Variants in PPFIA3 observed in about 807,000 individuals in gnomAD.
The protein encoded by PPFIA3 is PPFI scaffold protein A3.
Under a neutral mutation model 145.8 loss-of-function variants are expected in PPFIA3, and 26 were observed. The observed-to-expected ratio is 0.18, with a 90% CI of 0.13 to 0.25. The LOEUF is 0.25. Among genes scored for constraint, PPFIA3 ranks in the 10% least tolerant of loss-of-function variants. The pLI is 1.00. For missense variants in PPFIA3, 1,008 were observed against 1,587.8 expected (o/e 0.63, Z 6.21); for synonymous variants, 645 against 661.4 (o/e 0.98, Z 0.38).
At chr19:49,129,949 G>T in intron 5 of PPFIA3, 44 bp from the exon 6 acceptor site, 1 of 1,598,108 alleles carries the variant, frequency 6.3e-7, no homozygotes, top group East Asian at 2.2e-5. Context: ...AGAGCTGGGG[G>T]TTCAGGGAGC....
At chr19:49,121,504 C>A (rs1021882398) in intron 1 of PPFIA3, among the ~76,000 whole-genome samples, 3 of 151,990 alleles carry the variant, frequency 2.0e-5, no homozygotes, top group African/African-American at 4.8e-5. Flanking sequence ...TGGCCAGGCG[C>A]GGTGGCTCAT....
At chr19:49,123,017 G>A (rs1410694227) in intron 1 of PPFIA3, among the ~76,000 whole-genome samples, 5 of 150,840 alleles carry the variant, frequency 3.3e-5, no homozygotes, top group East Asian at 2.0e-4. Context: ...CACCACGCCC[G>A]GCCTGTTGTT....
chr19:49,123,171 G>A (rs746510444), intron 1 of PPFIA3, among the ~76,000 whole-genome samples: 14 of 152,042 alleles, frequency 9.2e-5, no homozygotes, highest in Admixed American at 3.9e-4. Flanking sequence ...TGGGACTACA[G>A]GCACATGCCA....
At chr19:49,147,790 C>A (rs1259233929) in intron 23 of PPFIA3, among the ~76,000 whole-genome samples, 1 of 152,086 alleles carries the variant, frequency 6.6e-6, no homozygotes, top group African/African-American at 2.4e-5. Flanking sequence ...AATGCCGATA[C>A]CGACTTCAGT....
intron 11 of PPFIA3, 52 bp downstream of exon 11, chr19:49,134,217 GC>G (rs758003129): frequency 1.9e-6 from 3 of 1,548,818 alleles, no homozygotes; most frequent in Non-Finnish European, 2.6e-6. Flanking sequence ...ACTACCTCTT[GC>G]TGGAATCCTG....
intron 21 of PPFIA3, 32 bp downstream of exon 21, chr19:49,143,036 C>T (rs375005202): frequency 3.8e-4 from 597 of 1,590,782 alleles, no homozygotes; most frequent in Non-Finnish European, 5.0e-4. Flanking sequence ...CCAGCCTTCG[C>T]TTCCTCAGAG....
chr19:49,141,374 C>A, intron 18 of PPFIA3, 46 bp from the exon 19 acceptor site: 2 of 1,452,944 alleles, frequency 1.4e-6, no homozygotes, highest in Non-Finnish European at 1.9e-6. Context: ...AAAGATTCTG[C>A]CTCCCCCTTG....
In PPFIA3 at chr19:49,128,155, C is replaced by CG. The variant is rs906895738; in HGVS notation, c.240+48dup. The CG allele has an allele frequency of 3.2e-5, 41 of 1,285,712 alleles. No individual in the cohort carries two copies. The highest frequency in any genetic ancestry group is 3.8e-5 in the Non-Finnish European group (37 of 965,332). 79.6% of individuals were successfully genotyped at this position (1,285,712 alleles called of 1,614,324 possible). On this transcript the variant is annotated intron_variant, in intron 2 of 29. Coordinates refer to ENST00000334186, the MANE Select transcript of PPFIA3 (RefSeq NM_003660.4). This position sits in a 1 kb window ranked among gnomAD's most constrained non-coding sequence, Gnocchi z 4.1. Reference sequence around the variant, plus strand: ...GGCGGGGCATGAGGGGGCGGGGCCTCGGGGGGAAGAAGGCGGTCCGGAAGG... The same window carrying CG: ...GGCGGGGCATGAGGGGGCGGGGCCTCGGGGGGGAAGAAGGCGGTCCGGAAGG...
chr19:49,145,704 A>G (rs1661445922), intron 21 of PPFIA3: 1 of 560,276 alleles, frequency 1.8e-6, no homozygotes, highest in Non-Finnish European at 3.2e-6. Flanking sequence ...ACAGGGCCAC[A>G]CAGCAAAATG....
Position 49,142,110 on chromosome 19 carries a change from C to T in PPFIA3, c.2539C>T (p.Leu847=). ...GGACGGGCCCACCGTGGTGTCCTGGCTGGAGGTACTGGGGCCCAGAAATGC... is the reference window on the plus strand; with the variant it reads ...GGACGGGCCCACCGTGGTGTCCTGGTTGGAGGTACTGGGGCCCAGAAATGC... ...AWDGPTVVSW[L]ELWVGMPAWY... The change falls in exon 20 of 30, where the codon CTG becomes TTG. Residue 847 remains leucine (L), a synonymous_variant. Coordinates refer to ENST00000334186, the MANE Select transcript of PPFIA3 (RefSeq NM_003660.4). 1 of 1,568,564 alleles carries T rather than the reference C, an allele frequency of 6.4e-7. No individual in the cohort carries two copies. Among genetic ancestry groups the T allele is most frequent in the Non-Finnish European group, 8.6e-7 (1 of 1,156,222 alleles).
At chr19:49,129,593 T>C in intron 5 of PPFIA3, 139 bp downstream of exon 5, 1 of 914,336 alleles carries the variant, frequency 1.1e-6, no homozygotes, top group Non-Finnish European at 1.7e-6. Flanking sequence ...GGGGTTGGAC[T>C]ATGGAGAGAA....
chr19:49,136,653 C>A, intron 14 of PPFIA3, 71 bp from the exon 15 acceptor site: 2 of 1,106,502 alleles, frequency 1.8e-6, no homozygotes, highest in South Asian at 3.1e-5. Flanking sequence ...AAGTCAGGAT[C>A]ATGAGCCAAG....
chr19:49,143,648 C>T (rs902439775), intron 21 of PPFIA3, among the ~76,000 whole-genome samples: 6 of 152,228 alleles, frequency 3.9e-5, no homozygotes, highest in African/African-American at 1.2e-4. Context: ...GTTGAGATTA[C>T]AGGCGTGAGC....
In PPFIA3 at chr19:49,149,334, G is replaced by A. The variant is rs367868348; in HGVS notation, c.3354+9G>A. ...ACAGGCGGCTGGACGAGGTGGGCGC[G>A]GCAACAGCTCAGAGGGCTCTGCTCC... On this transcript the variant is annotated intron_variant, in intron 27 of 29. Transcript: ENST00000334186. This position sits in a 1 kb window ranked among gnomAD's most constrained non-coding sequence, Gnocchi z 5.7. 143 of 1,613,780 alleles carry A rather than the reference G, an allele frequency of 8.9e-5. No individual in the cohort carries two copies. Among genetic ancestry groups the A allele is most frequent in the Non-Finnish European group, 1.1e-4 (131 of 1,179,982 alleles).
At chr19:49,129,809 C>A (rs1230696509) in intron 5 of PPFIA3, among the ~76,000 whole-genome samples, 184 bp from the exon 6 acceptor site, 2 of 152,096 alleles carry the variant, frequency 1.3e-5, no homozygotes, top group Admixed American at 1.3e-4. Flanking sequence ...TCCGTGGTGG[C>A]AGCTAAGGAG....
At chr19:49,142,720 C>G in intron 20 of PPFIA3, 84 bp from the exon 21 acceptor site, 4 of 993,492 alleles carry the variant, frequency 4.0e-6, no homozygotes, top group Admixed American at 2.0e-5. Flanking sequence ...CCTTGCCTTT[C>G]CCCACCTCCC....
chr19:49,129,356 C>T (rs1389760126), intron 4 of PPFIA3, 24 bp from the exon 5 acceptor site: 5 of 1,548,560 alleles, frequency 3.2e-6, no homozygotes, highest in Admixed American at 3.9e-5. Context: ...CTCCAGCTGA[C>T]TGTTGCCCTG....
At chr19:49,136,298 C>T (rs895858152) in intron 14 of PPFIA3, among the ~76,000 whole-genome samples, 19 of 152,078 alleles carry the variant, frequency 1.2e-4, no homozygotes, top group African/African-American at 4.6e-4. Context: ...AGGGACCTGT[C>T]AAGAGAGGAA....
rs1568431519 is a variant in PPFIA3 at position 49,120,417 on chromosome 19, A to T, written c.-16+695A>T. ...CTGGGACTCCAGCTGCTCCCTGAGGATCCAGGGCTTCTGAATTTTCCTATT... is the reference window on the plus strand; with the variant it reads ...CTGGGACTCCAGCTGCTCCCTGAGGTTCCAGGGCTTCTGAATTTTCCTATT... On this transcript the variant is annotated intron_variant, in intron 1 of 29. Coordinates refer to ENST00000334186, the MANE Select transcript of PPFIA3 (RefSeq NM_003660.4). The surrounding 1 kb of genome is among the most constrained non-coding windows in gnomAD (Gnocchi z 4.6). Among the ~76,000 whole-genome samples, 1 of 152,064 alleles carries T rather than the reference A, an allele frequency of 6.6e-6. No homozygotes were observed. Among genetic ancestry groups the T allele is most frequent in the Non-Finnish European group, 1.5e-5 (1 of 67,980 alleles).
Sources: allele counts gnomAD v4.1 joint callset (sites outside exome capture counted in the v4.1 genomes callset), GRCh38; gene constraint gnomAD v4.1.1; non-coding constraint Gnocchi (gnomAD v3.1); transcripts MANE v1.5; gene names NCBI Gene and HGNC (gene_info 2026-07-23, HGNC 2026-07-21).